Variants in SIK2 observed in about 807,000 individuals in gnomAD.
SIK2 encodes serine/threonine-protein kinase SIK2.
Under a neutral mutation model 103.2 loss-of-function variants are expected in SIK2, and 29 were observed. That is an observed-to-expected ratio of 0.28 (90% CI 0.21 to 0.38). The LOEUF is 0.38. Among genes scored for constraint, SIK2 ranks in the 10% least tolerant of loss-of-function variants. The probability of loss-of-function intolerance (pLI) is 1.00; values close to 1 mark genes in which losing one functional copy is unlikely to be tolerated. For missense variants in SIK2, 879 were observed against 1,171.0 expected (o/e 0.75, Z 3.64); for synonymous variants, 412 against 446.1 (o/e 0.92, Z 0.96).
At chr11:111,664,125 T>G (rs1942503829) in intron 3 of SIK2, among the ~76,000 whole-genome samples, 1 of 152,242 alleles carries the variant, frequency 6.6e-6, no homozygotes, top group Admixed American at 6.5e-5. Flanking sequence ...GAAATCAAAA[T>G]TTCTCCTCTT....
intron 2 of SIK2, among the ~76,000 whole-genome samples, chr11:111,617,998 T>C (rs760305556): frequency 1.3e-5 from 2 of 152,078 alleles, no homozygotes; most frequent in Non-Finnish European, 2.9e-5. Flanking sequence ...ACTCCTGGGC[T>C]CAAAGGATCC....
intron 7 of SIK2, among the ~76,000 whole-genome samples, chr11:111,704,102 C>T (rs1001222417): frequency 5.3e-5 from 8 of 152,172 alleles, no homozygotes; most frequent in East Asian, 1.9e-4. Context: ...ACCAAGGCTC[C>T]GGGCTGTGCT....
intron 7 of SIK2, among the ~76,000 whole-genome samples, chr11:111,704,769 C>A (rs1943301977): frequency 6.6e-6 from 1 of 152,136 alleles, no homozygotes; most frequent in Non-Finnish European, 1.5e-5. Flanking sequence ...GGCTGGTAAA[C>A]CCATTTAAAG....
chr11:111,676,830 T>C (rs1310203419), intron 3 of SIK2, among the ~76,000 whole-genome samples: 1 of 152,252 alleles, frequency 6.6e-6, no homozygotes, highest in African/African-American at 2.4e-5. Flanking sequence ...TAGACTACAT[T>C]TCTTTCCTTC....
At chr11:111,686,249 C>T (rs1341129128) in intron 3 of SIK2, among the ~76,000 whole-genome samples, 7 of 151,958 alleles carry the variant, frequency 4.6e-5, no homozygotes, top group Admixed American at 4.6e-4. Flanking sequence ...GACACCAGCC[C>T]GGGCAACATG....
intron 3 of SIK2, among the ~76,000 whole-genome samples, chr11:111,678,401 T>C (rs937258849): frequency 6.6e-6 from 1 of 152,246 alleles, no homozygotes; most frequent in Admixed American, 6.5e-5. Flanking sequence ...ATGGAGTTTA[T>C]TCTTCAAACT....
At chr11:111,693,850 C>T (rs890780235) in intron 4 of SIK2, among the ~76,000 whole-genome samples, 6 of 152,054 alleles carry the variant, frequency 3.9e-5, no homozygotes, top group African/African-American at 9.7e-5. Context: ...GACAGGGAGT[C>T]GATGTAGGGT....
rs117113318 is a variant in SIK2 at position 111,727,286 on chromosome 11, A to G, written c.*3157A>G. On this transcript the variant is annotated 3_prime_UTR_variant, in exon 15 of 15. Coordinates refer to ENST00000304987, the MANE Select transcript of SIK2 (RefSeq NM_015191.3). ...TGGGGATGGGGCTCAGGGGCTGTTCATGCCCATCTGAGCAAACCCCTTCTC... is the reference window on the plus strand; with the variant it reads ...TGGGGATGGGGCTCAGGGGCTGTTCGTGCCCATCTGAGCAAACCCCTTCTC... 7.6e-3 allele frequency: 4,369 copies of G among 574,472 alleles called. 22 individuals carry two copies. Among genetic ancestry groups the G allele is most frequent in the Middle Eastern group, 0.021 (46 of 2,160 alleles). 35.6% of individuals were successfully genotyped at this position (574,472 alleles called of 1,614,324 possible). A position where few individuals can be genotyped will look rare whatever the true frequency, so the allele number is the denominator to read the frequency against.
intron 8 of SIK2, among the ~76,000 whole-genome samples, chr11:111,708,132 G>A (rs12292763): frequency 0.028 from 4,310 of 152,150 alleles, 205 homozygotes; most frequent in African/African-American, 0.097. Context: ...CTGTAATCCC[G>A]GCGCTTTGGG....
intron 3 of SIK2, among the ~76,000 whole-genome samples, chr11:111,622,224 T>C (rs1387386847): frequency 6.6e-6 from 1 of 150,984 alleles, no homozygotes; most frequent in African/African-American, 2.4e-5. Flanking sequence ...GTCATTTTTC[T>C]TTTGTCTGAA....
intron 3 of SIK2, among the ~76,000 whole-genome samples, chr11:111,665,558 T>A (rs541609755): frequency 4.2e-4 from 64 of 151,702 alleles, no homozygotes; most frequent in African/African-American, 1.4e-3. Context: ...GCGTGGTGGC[T>A]CACGCCTGTA....
At position 111,722,300 on chromosome 11, in the gene SIK2, A is replaced by G. The variant is rs1943825858; in HGVS notation, c.2055+360A>G. ...ATGGGCTTTCTATGTTGGTGCATAA[A>G]AATCTTAAAAAGCGATAAAGCATAG... On this transcript the variant is annotated intron_variant, in intron 13 of 14. Transcript: ENST00000304987. The surrounding 1 kb of genome is among the most constrained non-coding windows in gnomAD (Gnocchi z 4.4). Among the ~76,000 whole-genome samples, 1 of 152,238 alleles carries G rather than the reference A, an allele frequency of 6.6e-6. No individual in the cohort carries two copies. The highest frequency in any genetic ancestry group is 2.4e-5 in the African/African-American group (1 of 41,460).
intron 3 of SIK2, among the ~76,000 whole-genome samples, chr11:111,631,534 C>T (rs749790877): frequency 3.9e-5 from 6 of 151,990 alleles, no homozygotes; most frequent in Non-Finnish European, 7.4e-5. Flanking sequence ...TTGTGAGATC[C>T]AAGTTCAGGA....
At chr11:111,677,586 A>ATTTTTTTTTTTTTTT in intron 3 of SIK2, among the ~76,000 whole-genome samples, 1 of 110,940 alleles carries the variant, frequency 9.0e-6, no homozygotes, top group Non-Finnish European at 1.7e-5. Flanking sequence ...CCCAGCTAAA[A>ATTTTTTTTTTTTTTT]TTTTTTTTTT....
At chr11:111,715,728 A>G (rs921695062) in intron 9 of SIK2, among the ~76,000 whole-genome samples, 2 of 151,780 alleles carry the variant, frequency 1.3e-5, no homozygotes, top group African/African-American at 4.8e-5. Context: ...ATCTACTTCA[A>G]GTATCTCTTT....
At position 111,727,147 on chromosome 11, in the gene SIK2, G is replaced by A. The variant is rs1476056025; in HGVS notation, c.*3018G>A. ...ACTGACCGTCCCCAGCTGCCCCCTC[G>A]CCACCTCTGCCTGCACTGCCTTCTG... On this transcript the variant is annotated 3_prime_UTR_variant, in exon 15 of 15. Coordinates refer to ENST00000304987, the MANE Select transcript of SIK2 (RefSeq NM_015191.3). 13 of 1,041,672 alleles carry A rather than the reference G, an allele frequency of 1.2e-5. No individual in the cohort carries two copies. Among genetic ancestry groups the A allele is most frequent in the Non-Finnish European group, 1.6e-5 (11 of 675,362 alleles). 64.5% of individuals were successfully genotyped at this position (1,041,672 alleles called of 1,614,324 possible).
intron 9 of SIK2, among the ~76,000 whole-genome samples, chr11:111,713,343 A>C (rs376660934): frequency 1.4e-4 from 21 of 152,348 alleles, no homozygotes; most frequent in East Asian, 9.6e-4. Flanking sequence ...AGAGTGTCAT[A>C]GAAAACACAG....
At chr11:111,667,385 A>G (rs1357840444) in intron 3 of SIK2, among the ~76,000 whole-genome samples, 1 of 152,300 alleles carries the variant, frequency 6.6e-6, no homozygotes, top group African/African-American at 2.4e-5. Flanking sequence ...TAGCATTTCA[A>G]TTAGATTTTG....
intron 4 of SIK2, among the ~76,000 whole-genome samples, chr11:111,695,100 CTA>C (rs1943039002): frequency 6.6e-6 from 1 of 152,228 alleles, no homozygotes; most frequent in South Asian, 2.1e-4. Flanking sequence ...AGCTTCATCT[CTA>C]TCACTCTCCA....
Sources: allele counts gnomAD v4.1 joint callset (sites outside exome capture counted in the v4.1 genomes callset), GRCh38; gene constraint gnomAD v4.1.1; non-coding constraint Gnocchi (gnomAD v3.1); transcripts MANE v1.5; gene names NCBI Gene and HGNC (gene_info 2026-07-23, HGNC 2026-07-21).